The following TBCK variants were observed in gnomAD, a reference collection of about 807,000 sequenced individuals.
The protein encoded by TBCK is TBC1 domain containing kinase.
TBCK carries 99 observed loss-of-function variants against 113.4 expected under a neutral mutation model. The observed-to-expected ratio is 0.87, with a 90% CI of 0.74 to 1.03. TBCK has a LOEUF of 1.03. TBCK is among the 50% of genes least tolerant of loss of function. The pLI is 0.00. For synonymous variants in TBCK, 369 were observed against 370.8 expected (o/e 1.00, Z 0.05); for missense variants, 1,045 against 1,061.3 (o/e 0.98, Z 0.21).
intron 6 of TBCK, among the ~76,000 whole-genome samples, chr4:106,251,647 C>T (rs901104286): frequency 2.0e-5 from 3 of 151,848 alleles, no homozygotes; most frequent in Non-Finnish European, 2.9e-5. Context: ...TAATATATAT[C>T]TGGTAACATT....
At chr4:106,306,736 A>G (rs1309509929) in intron 2 of TBCK, among the ~76,000 whole-genome samples, 1 of 152,142 alleles carries the variant, frequency 6.6e-6, no homozygotes, top group Non-Finnish European at 1.5e-5. Context: ...CTAGGTTTCT[A>G]TCAGCTCTGA....
At chr4:106,294,705 T>C (rs1256035708) in intron 3 of TBCK, among the ~76,000 whole-genome samples, 1 of 151,752 alleles carries the variant, frequency 6.6e-6, no homozygotes, top group Non-Finnish European at 1.5e-5. Context: ...ATGGTCTCGA[T>C]CTCCTGACCT....
chr4:106,087,265 C>A (rs998781996), intron 25 of TBCK, among the ~76,000 whole-genome samples: 2 of 152,146 alleles, frequency 1.3e-5, no homozygotes, highest in African/African-American at 4.8e-5. Flanking sequence ...GTGCAAAAAT[C>A]ACAAGCATTC....
At chr4:106,214,147 A>G (rs911531616) in intron 19 of TBCK, among the ~76,000 whole-genome samples, 8 of 152,196 alleles carry the variant, frequency 5.3e-5, no homozygotes, top group African/African-American at 1.9e-4. Context: ...ACAGACCTGC[A>G]GCTGAGGGTC....
chr4:106,212,704 CTT>C (rs368657242), intron 20 of TBCK, 44 bp downstream of exon 20: 535 of 1,097,474 alleles, frequency 4.9e-4, no homozygotes, highest in South Asian at 1.2e-3. Flanking sequence ...ATAATTTCTG[CTT>C]TTTTTTTTTA....
rs150206834 is a variant in TBCK at position 106,108,529 on chromosome 4, C to T, written c.2411+7674G>A. 5.3e-3 allele frequency among the ~76,000 whole-genome samples: 801 copies of T among 152,208 alleles called. 5 individuals carry two copies. The highest frequency in any genetic ancestry group is 0.024 in the South Asian group (114 of 4,820). ...AAACTACATAATTAACTCAACAGAT[C>T]CAGAAAAGACTTTTGATAAAATTCA... On this transcript the variant is annotated intron_variant, in intron 24 of 25. Transcript: ENST00000394708.
chr4:106,283,638 AAAT>A (rs777516318), intron 3 of TBCK, among the ~76,000 whole-genome samples: 7 of 152,134 alleles, frequency 4.6e-5, no homozygotes, highest in South Asian at 2.1e-4. Context: ...GGCACATTGG[AAAT>A]AATAAGAGAG....
intron 22 of TBCK, among the ~76,000 whole-genome samples, chr4:106,178,717 G>C (rs1164511083): frequency 1.3e-5 from 2 of 151,732 alleles, no homozygotes; most frequent in African/African-American, 4.8e-5. Flanking sequence ...TCAGTTGCTT[G>C]TATTTTTGTT....
At chr4:106,315,048 C>G (rs1426108256) in intron 1 of TBCK, among the ~76,000 whole-genome samples, 2 of 152,116 alleles carry the variant, frequency 1.3e-5, no homozygotes, top group Non-Finnish European at 2.9e-5. Flanking sequence ...TCCACTACCT[C>G]TTAAATGGTT....
At chr4:106,071,479 C>G (rs1254848500) in intron 25 of TBCK, among the ~76,000 whole-genome samples, 1 of 152,128 alleles carries the variant, frequency 6.6e-6, no homozygotes, top group Non-Finnish European at 1.5e-5. Context: ...ATTATAATTT[C>G]TGTTCTTTTG....
chr4:106,105,190 C>T lies in TBCK; in HGVS notation c.2412-9549G>A, dbSNP rs901236254. 1.8e-4 allele frequency among the ~76,000 whole-genome samples: 28 copies of T among 152,202 alleles called. 1 individual carries two copies. The highest frequency in any genetic ancestry group is 8.8e-5 in the Non-Finnish European group (6 of 68,034). On this transcript the variant is annotated intron_variant, in intron 24 of 25. Transcript: ENST00000394708. ...GTTGAACCAAGGAGAGGAGGCCAGTCCATCTCCCACAGGTCCCACACACTC... is the reference window on the plus strand; with the variant it reads ...GTTGAACCAAGGAGAGGAGGCCAGTTCATCTCCCACAGGTCCCACACACTC...
chr4:106,125,682 C>T (rs764104937), intron 23 of TBCK, among the ~76,000 whole-genome samples: 1 of 151,714 alleles, frequency 6.6e-6, no homozygotes, highest in Non-Finnish European at 1.5e-5. Context: ...GAGAGTAGAA[C>T]AGTAGTTGCT....
chr4:106,063,418 A>T (rs1221356223), intron 25 of TBCK, among the ~76,000 whole-genome samples: 1 of 151,994 alleles, frequency 6.6e-6, no homozygotes, highest in Non-Finnish European at 1.5e-5. Context: ...TATTAATCTG[A>T]AGAACTAGAT....
intron 24 of TBCK, among the ~76,000 whole-genome samples, chr4:106,103,477 C>T (rs1171736976): frequency 6.6e-6 from 1 of 152,082 alleles, no homozygotes; most frequent in Non-Finnish European, 1.5e-5. Context: ...ATGCAGAGAC[C>T]AGATAGGCAC....
chr4:106,060,427 T>G (rs1735909475), intron 25 of TBCK, among the ~76,000 whole-genome samples: 3 of 151,802 alleles, frequency 2.0e-5, no homozygotes. Flanking sequence ...CTACTCTGCC[T>G]GTGTTCTATA....
rs1734007016 is a variant in TBCK at position 106,044,012 on chromosome 4, T to C, written c.*2558A>G. The C allele has an allele frequency of 6.6e-6, 1 of 152,206 alleles. No individual in the cohort carries two copies. The highest frequency in any genetic ancestry group is 1.5e-5 in the Non-Finnish European group (1 of 68,030). 9.4% of individuals were successfully genotyped at this position (152,206 alleles called of 1,614,324 possible). A position where few individuals can be genotyped will look rare whatever the true frequency, so the allele number is the denominator to read the frequency against. The stretch of plus-strand genomic sequence containing the variant: ...ACTTTACTGTTGAGAATATTAAATA[T>C]TATAATTTTCATGTTTAAAAAACTT... On this transcript the variant is annotated 3_prime_UTR_variant, in exon 26 of 26. Coordinates refer to ENST00000394708, the MANE Select transcript of TBCK (RefSeq NM_001163435.3).
At chr4:106,303,220 A>G (rs1767135308) in intron 2 of TBCK, among the ~76,000 whole-genome samples, 1 of 152,218 alleles carries the variant, frequency 6.6e-6, no homozygotes, top group Admixed American at 6.5e-5. Context: ...GGTACAGGTC[A>G]AATCAATTTT....
intron 25 of TBCK, among the ~76,000 whole-genome samples, chr4:106,087,879 G>A (rs537094255): frequency 1.3e-5 from 2 of 152,352 alleles, no homozygotes; most frequent in South Asian, 4.1e-4. Context: ...ATGGTGCTGG[G>A]AAGACTGGCT....
chr4:106,143,489 T>C (rs77976622), intron 23 of TBCK, among the ~76,000 whole-genome samples: 1,983 of 152,326 alleles, frequency 0.013, 50 homozygotes, highest in African/African-American at 0.046. Context: ...TAAATGTCTT[T>C]AAATATAGTG....
Sources: allele counts gnomAD v4.1 joint callset (sites outside exome capture counted in the v4.1 genomes callset), GRCh38; gene constraint gnomAD v4.1.1; transcripts MANE v1.5; gene names NCBI Gene and HGNC (gene_info 2026-07-23, HGNC 2026-07-21).